PBX1: variants seen among roughly 807,000 people sequenced by gnomAD.
PBX1 encodes the protein pre-B-cell leukemia transcription factor 1.
Under a neutral mutation model 53.4 loss-of-function variants are expected in PBX1, and 6 were observed. The observed-to-expected ratio is 0.11, with a 90% CI of 0.06 to 0.22. The LOEUF (loss-of-function observed/expected upper bound fraction) is 0.22. Ranked by LOEUF, PBX1 falls within the 10% of genes least tolerant of loss-of-function variation. The pLI is 1.00. For missense variants in PBX1, 251 were observed against 551.4 expected (o/e 0.46, Z 5.46); for synonymous variants, 204 against 212.3 (o/e 0.96, Z 0.34).
chr1:164,604,160 C>T (rs969567268), intron 2 of PBX1, among the ~76,000 whole-genome samples: 2 of 151,942 alleles, frequency 1.3e-5, no homozygotes, highest in Admixed American at 6.6e-5. Context: ...AGGCTAGTCT[C>T]GAACTTCTGA....
intron 2 of PBX1, among the ~76,000 whole-genome samples, chr1:164,738,374 A>G (rs1358709675): frequency 6.6e-6 from 1 of 152,136 alleles, no homozygotes; most frequent in Non-Finnish European, 1.5e-5. Context: ...TAGTCTCAAA[A>G]TCCTGGGCTC....
intron 2 of PBX1, chr1:164,590,563 G>T (rs763035742): frequency 1.1e-5 from 5 of 438,200 alleles, no homozygotes; most frequent in Non-Finnish European, 1.8e-5. Flanking sequence ...ACTTGGCATT[G>T]TGACCAGGAG....
At chr1:164,645,803 G>A (rs527925402) in intron 2 of PBX1, among the ~76,000 whole-genome samples, 14 of 152,190 alleles carry the variant, frequency 9.2e-5, no homozygotes, top group Admixed American at 5.9e-4. Context: ...TGATGTGACC[G>A]TCCTGAATTA....
chr1:164,780,811 C>CCTTA (rs1385025660), intron 2 of PBX1, among the ~76,000 whole-genome samples: 2 of 152,142 alleles, frequency 1.3e-5, no homozygotes, highest in South Asian at 2.1e-4. Context: ...TCTCAGTCGC[C>CCTTA]CTTACCCCAT....
intron 2 of PBX1, among the ~76,000 whole-genome samples, chr1:164,660,910 A>G (rs1660450726): frequency 6.6e-6 from 1 of 152,180 alleles, no homozygotes; most frequent in Non-Finnish European, 1.5e-5. Context: ...GCTCAGCACT[A>G]AGTTACCTAC....
At chr1:164,807,516 T>C (rs1232807174) in intron 4 of PBX1, 26 bp from the exon 5 acceptor site, 2 of 1,607,652 alleles carry the variant, frequency 1.2e-6, no homozygotes, top group East Asian at 2.2e-5. Context: ...AGCCTTTTTG[T>C]TATTATTTCC....
chr1:164,875,299 A>ATTTAT (rs1312334937), intron 2 of PBX1, among the ~76,000 whole-genome samples: 1 of 152,042 alleles, frequency 6.6e-6, no homozygotes, highest in Non-Finnish European at 1.5e-5. Flanking sequence ...ACATTATTTT[A>ATTTAT]TTTATTTTAT....
At chr1:164,811,855 T>G in intron 5 of PBX1, 135 bp from the exon 6 acceptor site, 1 of 448,652 alleles carries the variant, frequency 2.2e-6, no homozygotes, top group South Asian at 6.2e-5. Flanking sequence ...ATCTTTTTAC[T>G]GATGTTGCCA....
intron 2 of PBX1, among the ~76,000 whole-genome samples, chr1:164,872,630 T>C (rs1185006592): frequency 6.6e-6 from 1 of 152,172 alleles, no homozygotes; most frequent in Non-Finnish European, 1.5e-5. Flanking sequence ...ACAATGCACT[T>C]GCCTTTATGC....
At chr1:164,570,720 C>T (rs924438160) in intron 2 of PBX1, among the ~76,000 whole-genome samples, 4 of 152,156 alleles carry the variant, frequency 2.6e-5, no homozygotes, top group African/African-American at 4.8e-5. Context: ...TGTGTATATA[C>T]GCAGTGATGG....
intron 2 of PBX1, among the ~76,000 whole-genome samples, chr1:164,658,377 T>C (rs1011666577): frequency 1.3e-5 from 2 of 152,160 alleles, no homozygotes; most frequent in African/African-American, 4.8e-5. Flanking sequence ...GCTGTGGTCG[T>C]AGGGATTTCT....
intron 5 of PBX1, among the ~76,000 whole-genome samples, chr1:164,809,327 C>G (rs1296602156): frequency 6.6e-6 from 1 of 152,126 alleles, no homozygotes; most frequent in African/African-American, 2.4e-5. Flanking sequence ...AATAGTGTGT[C>G]CATTAAAATC....
intron 2 of PBX1, among the ~76,000 whole-genome samples, chr1:164,585,492 G>A (rs1247362265): frequency 6.6e-6 from 1 of 152,214 alleles, no homozygotes; most frequent in African/African-American, 2.4e-5. Flanking sequence ...GTCTGGGGAG[G>A]TTGGGGTTGG....
In PBX1 at chr1:164,820,118, G is replaced by C. The variant is rs761944828; in HGVS notation, c.1044G>C (p.Met348Ile). ...TGTCAAACTCTGGAGATTTGTTCAT[G>C]AGCGTGCAGTCACTCAATGGGGATT... is the stretch of plus-strand genomic sequence containing the variant. ...FNMSNSGDLF[M>I]SVQSLNGDSY... Residue 348 changes from methionine to isoleucine, a missense_variant, in exon 7 of 9, where the codon ATG (methionine) becomes ATC (isoleucine). Met to Ile is a conservative substitution (Grantham distance 10, BLOSUM62 1). Around this residue, in one of 4 missense-constraint regions of PBX1, gnomAD observed 92 missense variants for 130.4 expected, o/e 0.71. Coordinates refer to ENST00000420696, the MANE Select transcript of PBX1 (RefSeq NM_002585.4). 6.2e-7 allele frequency: 1 copy of C among 1,613,716 alleles called. No individual in the cohort carries two copies. The highest frequency in any genetic ancestry group is 8.5e-7 in the Non-Finnish European group (1 of 1,179,878).
At chr1:164,585,435 G>C (rs920887305) in intron 2 of PBX1, among the ~76,000 whole-genome samples, 5 of 152,220 alleles carry the variant, frequency 3.3e-5, no homozygotes, top group Non-Finnish European at 5.9e-5. Context: ...GCCCCACTCA[G>C]TGTTGAGTTT....
chr1:164,786,400 T>C (rs1312300238), intron 2 of PBX1, among the ~76,000 whole-genome samples: 2 of 152,046 alleles, frequency 1.3e-5, no homozygotes, highest in African/African-American at 4.8e-5. Context: ...CATTTTCGGC[T>C]CTTCTCGTCA....
At chr1:164,836,053 G>A (rs1368675186) in intron 8 of PBX1, among the ~76,000 whole-genome samples, 3 of 152,030 alleles carry the variant, frequency 2.0e-5, no homozygotes, top group Admixed American at 1.3e-4. Flanking sequence ...TAAATCCTTG[G>A]CTTGTTTATA....
chr1:164,875,882 A>G (rs1672492197), intron 2 of PBX1, among the ~76,000 whole-genome samples: 1 of 151,778 alleles, frequency 6.6e-6, no homozygotes, highest in South Asian at 2.1e-4. Flanking sequence ...TTTATAATAA[A>G]AGTAATGCTT....
rs145576509 is a variant in PBX1, at chr1:164,843,030, G to A, written c.1201-3554G>A. 6.2e-3 allele frequency among the ~76,000 whole-genome samples: 944 copies of A among 151,970 alleles called. 8 individuals are homozygous for A. The highest frequency in any genetic ancestry group is 0.021 in the African/African-American group (873 of 41,422). On this transcript the variant is annotated intron_variant, in intron 8 of 8. Coordinates refer to ENST00000420696, the MANE Select transcript of PBX1 (RefSeq NM_002585.4). Reference sequence around the variant, plus strand: ...CACCCACAGTCGAGGTAGAGGGAAGGAATTGCTCCCCAGGGTTAACGTGGC... The same window carrying A: ...CACCCACAGTCGAGGTAGAGGGAAGAAATTGCTCCCCAGGGTTAACGTGGC...
Sources: gnomAD v4.1 joint callset for allele counts (sites outside exome capture counted in the v4.1 genomes callset) on GRCh38, gnomAD v4.1.1 for gene constraint, gnomAD v4.1.1 regional missense constraint, MANE v1.5 for transcripts, NCBI Gene and HGNC (gene_info 2026-07-23, HGNC 2026-07-21) for gene names.